KCNU1: variants seen among roughly 807,000 people sequenced by gnomAD.
The protein encoded by KCNU1 is potassium channel subfamily U member 1.
In KCNU1, 93 loss-of-function variants were observed where a neutral mutation model predicts 126.8. The observed-to-expected ratio is 0.73, with a 90% CI of 0.62 to 0.87. The LOEUF is 0.87. Ranked by LOEUF, KCNU1 falls within the 40% of genes least tolerant of loss-of-function variation. The pLI is 0.00. For synonymous variants in KCNU1, 523 were observed against 494.2 expected (o/e 1.06, Z -0.77); for missense variants, 1,330 against 1,367.1 (o/e 0.97, Z 0.43).
chr8:36,905,926 G>T, intron 20 of KCNU1, 122 bp downstream of exon 20: 1 of 553,862 alleles, frequency 1.8e-6, no homozygotes, highest in Non-Finnish European at 3.2e-6. Context: ...GTCAAAAAAA[G>T]AAAAAAACCC....
chr8:36,790,514 A>G (rs1024766900), intron 2 of KCNU1, among the ~76,000 whole-genome samples: 23 of 152,078 alleles, frequency 1.5e-4, no homozygotes, highest in Admixed American at 6.5e-5. Context: ...ATATGAAATA[A>G]GACATTTAAA....
intron 4 of KCNU1, among the ~76,000 whole-genome samples, chr8:36,805,648 A>G (rs1803471792): frequency 6.6e-6 from 1 of 152,054 alleles, no homozygotes; most frequent in African/African-American, 2.4e-5. Context: ...CTGCAATACA[A>G]CTGTGGAAAA....
chr8:36,784,653 T>C, intron 1 of KCNU1, 48 bp downstream of exon 1: 1 of 1,410,148 alleles, frequency 7.1e-7, no homozygotes, highest in Non-Finnish European at 9.7e-7. Flanking sequence ...AGAGATGAGT[T>C]TGGGGTAGTT....
chr8:36,913,579 C>T (rs1413145170), intron 22 of KCNU1, among the ~76,000 whole-genome samples: 1 of 151,222 alleles, frequency 6.6e-6, no homozygotes, highest in Non-Finnish European at 1.5e-5. Flanking sequence ...TTATCTGGCA[C>T]TGTCACATCA....
intron 9 of KCNU1, among the ~76,000 whole-genome samples, chr8:36,816,843 A>C (rs1362089856): frequency 6.6e-6 from 1 of 152,150 alleles, no homozygotes; most frequent in Non-Finnish European, 1.5e-5. Context: ...TAAATGTGGA[A>C]GATAAGCTGA....
intron 11 of KCNU1, 107 bp downstream of exon 11, chr8:36,833,766 G>C: frequency 1.6e-6 from 1 of 619,370 alleles, no homozygotes; most frequent in Non-Finnish European, 2.9e-6. Flanking sequence ...TTCTTTAATT[G>C]GTGGAAAATA....
At chr8:36,916,353 A>AGAAGGAAG (rs143444267) in intron 22 of KCNU1, among the ~76,000 whole-genome samples, 2 of 149,188 alleles carry the variant, frequency 1.3e-5, no homozygotes, top group African/African-American at 4.9e-5. Flanking sequence ...AAGGAAGAAA[A>AGAAGGAAG]GAAGGAAGGA....
In KCNU1 at chr8:36,905,782, C is replaced by A. The variant is rs751481483; in HGVS notation, c.2084C>A (p.Thr695Asn). ...GGGATGTTTCACTGGTGCAAACCAA[C>A]CTCTTTGGACAAGGTGACTCTGGTA... ...SSGMFHWCKP[T>N]SLDKVTLKRT... is the part of the protein sequence containing the mutation. Residue 695 changes from threonine (T) to asparagine (N), a missense_variant, in exon 20 of 27, where the codon ACC becomes AAC. Around this residue, in one of 3 missense-constraint regions of KCNU1, gnomAD observed 1,054 missense variants for 1,053.9 expected, o/e 1.00. Transcript: ENST00000399881. 6.4e-7 allele frequency: 1 copy of A among 1,574,660 alleles called. No homozygotes were observed. The highest frequency in any genetic ancestry group is 8.7e-7 in the Non-Finnish European group (1 of 1,153,756).
chr8:36,794,484 T>C (rs1017618493), intron 2 of KCNU1, among the ~76,000 whole-genome samples: 4 of 152,158 alleles, frequency 2.6e-5, no homozygotes, highest in African/African-American at 9.7e-5. Flanking sequence ...TTAATTTTAG[T>C]ATTTTTTTTC....
At chr8:36,845,768 C>T (rs1805121217) in intron 17 of KCNU1, 34 bp from the exon 18 acceptor site, 1 of 1,529,774 alleles carries the variant, frequency 6.5e-7, no homozygotes, top group Non-Finnish European at 9.1e-7. Flanking sequence ...TTAAGACTCA[C>T]ATAATTCATT....
At chr8:36,933,708 G>T (rs1404373834) in intron 26 of KCNU1, among the ~76,000 whole-genome samples, 1 of 152,098 alleles carries the variant, frequency 6.6e-6, no homozygotes, top group Non-Finnish European at 1.5e-5. Context: ...GGAGAAAGGA[G>T]AAGGAAGCCA....
At chr8:36,918,712 G>A (rs1808220369) in intron 22 of KCNU1, 111 bp from the exon 23 acceptor site, 1 of 733,590 alleles carries the variant, frequency 1.4e-6, no homozygotes, top group Admixed American at 2.3e-5. Context: ...ATTTATACAT[G>A]AAAGTAACTT....
At chr8:36,927,807 GATGATATTAGAAAC>G (rs1174500564) in intron 24 of KCNU1, among the ~76,000 whole-genome samples, 1 of 152,076 alleles carries the variant, frequency 6.6e-6, no homozygotes, top group African/African-American at 2.4e-5. Flanking sequence ...CAGTAAATAA[GATGATATTAGAAAC>G]ATTGACCAAA....
At chr8:36,811,600 T>G (rs1318357851) in intron 7 of KCNU1, among the ~76,000 whole-genome samples, 1 of 152,114 alleles carries the variant, frequency 6.6e-6, no homozygotes, top group Non-Finnish European at 1.5e-5. Flanking sequence ...AGGAGATTAA[T>G]GTAAAGAGAA....
At chr8:36,916,842 T>C (rs1408326199) in intron 22 of KCNU1, among the ~76,000 whole-genome samples, 1 of 152,184 alleles carries the variant, frequency 6.6e-6, no homozygotes, top group Non-Finnish European at 1.5e-5. Flanking sequence ...TTATCCTACA[T>C]TCATTACTCA....
At chr8:36,820,002 A>C (rs1456508459) in intron 10 of KCNU1, among the ~76,000 whole-genome samples, 1 of 152,112 alleles carries the variant, frequency 6.6e-6, no homozygotes, top group Admixed American at 6.6e-5. Flanking sequence ...CTGAGTCATC[A>C]TGTAAAAAGC....
intron 18 of KCNU1, among the ~76,000 whole-genome samples, chr8:36,855,723 G>T (rs1805505196): frequency 6.6e-6 from 1 of 151,802 alleles, no homozygotes; most frequent in Non-Finnish European, 1.5e-5. Context: ...TATTTTTATG[G>T]AGGGGCGGCC....
At chr8:36,896,649 G>T (rs549377374) in intron 19 of KCNU1, among the ~76,000 whole-genome samples, 22 of 152,178 alleles carry the variant, frequency 1.4e-4, no homozygotes, top group Non-Finnish European at 2.9e-4. Flanking sequence ...CTCTGAGAAA[G>T]AAGGTCCGTT....
chr8:36,867,543 G>A (rs1205309477), intron 19 of KCNU1, among the ~76,000 whole-genome samples: 2 of 152,072 alleles, frequency 1.3e-5, no homozygotes, highest in Non-Finnish European at 2.9e-5. Flanking sequence ...TGTTTGTGAA[G>A]ACATAAAGAC....
Sources: allele counts gnomAD v4.1 joint callset (sites outside exome capture counted in the v4.1 genomes callset), GRCh38; gene constraint gnomAD v4.1.1; regional missense constraint gnomAD v4.1.1; transcripts MANE v1.5; gene names NCBI Gene and HGNC (gene_info 2026-07-23, HGNC 2026-07-21).